The following STT3B variants were observed in gnomAD, a reference collection of about 807,000 sequenced individuals.
STT3B encodes the protein STT3 oligosaccharyltransferase complex catalytic subunit B.
A neutral mutation model predicts 96.8 loss-of-function variants in STT3B; 29 were observed. That is an observed-to-expected ratio of 0.30 (90% CI 0.22 to 0.41). STT3B has a LOEUF of 0.41. STT3B is among the 10% of genes least tolerant of loss of function. The pLI, the probability that STT3B is intolerant of heterozygous loss-of-function variation, is 1.00. For synonymous variants in STT3B, 367 were observed against 360.0 expected, an observed-to-expected ratio of 1.02 and a Z score of -0.22; for missense variants, 640 against 1,022.3, an observed-to-expected ratio of 0.63 and a Z score of 5.10.
In STT3B at chr3:31,533,250, C is replaced by T; in HGVS notation, c.252C>T (p.Gly84=). 1 of 1,512,466 alleles carries T rather than the reference C, an allele frequency of 6.6e-7. No homozygotes were observed. Among genetic ancestry groups the T allele is most frequent in the Non-Finnish European group, 8.8e-7 (1 of 1,130,130 alleles). 93.7% of individuals were successfully genotyped at this position (1,512,466 alleles called of 1,614,324 possible). Residue 84 remains glycine, a synonymous_variant, in exon 1 of 16, where the codon GGC becomes GGT. Transcript: ENST00000295770. ...TCCTCTTCCTGGCCTGGCTTGCCGG[C>T]TTCAGCTCGCGCCTCTTCGCCGTCA... is the stretch of plus-strand genomic sequence containing the variant. ...FTILFLAWLA[G]FSSRLFAVIR... is the part of the protein sequence containing the mutation.
intron 1 of STT3B, among the ~76,000 whole-genome samples, chr3:31,547,503 G>C (rs543654933): frequency 6.6e-6 from 1 of 151,974 alleles, no homozygotes; most frequent in African/African-American, 2.4e-5. Flanking sequence ...AAAATCAGCC[G>C]GGCATGGTGG....
chr3:31,593,672 T>C (rs899143340), intron 3 of STT3B, among the ~76,000 whole-genome samples: 2 of 152,192 alleles, frequency 1.3e-5, no homozygotes, highest in African/African-American at 2.4e-5. Context: ...TTAGTGAATT[T>C]TTTATTCCAT....
Position 31,615,319 on chromosome 3 carries a change from T to C in STT3B, c.976+116T>C, listed in dbSNP as rs572442139. On this transcript the variant is annotated intron_variant, in intron 6 of 15. Coordinates refer to ENST00000295770, the MANE Select transcript of STT3B (RefSeq NM_178862.3). The stretch of plus-strand genomic sequence containing the variant: ...GTTGTTGCAATGACAACCAAAGTAA[T>C]CTGACTCACAATTATGGGAAATCTG... 3.1e-4 allele frequency: 218 copies of C among 698,800 alleles called. 2 individuals carry two copies. The East Asian group carries it at 6.1e-3, about 20-fold the overall frequency. 43.3% of individuals were successfully genotyped at this position (698,800 alleles called of 1,614,324 possible). A position where few individuals can be genotyped will look rare whatever the true frequency, so the allele number is the denominator to read the frequency against.
chr3:31,619,927 A>C (rs765811566), intron 9 of STT3B, 97 bp downstream of exon 9: 14 of 1,514,950 alleles, frequency 9.2e-6, no homozygotes, highest in African/African-American at 2.8e-5. Flanking sequence ...GTTTGACTCT[A>C]TATATTCAAG....
intron 1 of STT3B, among the ~76,000 whole-genome samples, chr3:31,554,090 G>C (rs1479949068): frequency 6.6e-6 from 1 of 151,994 alleles, no homozygotes; most frequent in Admixed American, 6.5e-5. Flanking sequence ...TTTAAGTGTT[G>C]GTAGAGTAGT....
intron 3 of STT3B, among the ~76,000 whole-genome samples, chr3:31,584,024 G>C (rs1012371959): frequency 1.3e-5 from 2 of 152,122 alleles, no homozygotes; most frequent in African/African-American, 2.4e-5. Flanking sequence ...TTACACCTCT[G>C]TTTCCTTCTA....
At chr3:31,635,167 GA>G (rs1653986534) in intron 15 of STT3B, among the ~76,000 whole-genome samples, 1 of 152,166 alleles carries the variant, frequency 6.6e-6, no homozygotes, top group African/African-American at 2.4e-5. Context: ...TGTTAACCCA[GA>G]GCTTTGATGG....
At chr3:31,634,821 A>G (rs1411302526) in intron 15 of STT3B, among the ~76,000 whole-genome samples, 2 of 152,162 alleles carry the variant, frequency 1.3e-5, no homozygotes, top group Non-Finnish European at 2.9e-5. Flanking sequence ...TAGAATCTGG[A>G]TGTAATTATA....
intron 1 of STT3B, among the ~76,000 whole-genome samples, chr3:31,542,435 C>G (rs1044274799): frequency 4.0e-5 from 6 of 151,820 alleles, no homozygotes; most frequent in Non-Finnish European, 8.8e-5. Context: ...GTAGATGTAG[C>G]AATTTTGCAT....
At chr3:31,624,207 C>A (rs896209843) in intron 11 of STT3B, among the ~76,000 whole-genome samples, 21 of 151,974 alleles carry the variant, frequency 1.4e-4, no homozygotes, top group African/African-American at 4.6e-4. Flanking sequence ...GTGTTCGTAC[C>A]CGTTAACCAT....
chr3:31,624,700 T>G (rs1699498506), intron 11 of STT3B, among the ~76,000 whole-genome samples: 1 of 150,872 alleles, frequency 6.6e-6, no homozygotes. Context: ...ATACAAGATA[T>G]GCAGGTGGTT....
chr3:31,622,015 G>T, intron 9 of STT3B, 82 bp from the exon 10 acceptor site: 1 of 561,290 alleles, frequency 1.8e-6, no homozygotes, highest in Non-Finnish European at 2.9e-6. Flanking sequence ...ATTCCAGGTT[G>T]GTTTTATAGT....
intron 9 of STT3B, 158 bp downstream of exon 9, chr3:31,619,988 T>G (rs1699390227): frequency 6.7e-7 from 1 of 1,493,420 alleles, no homozygotes; most frequent in Non-Finnish European, 8.9e-7. Context: ...AAAAATTCAC[T>G]GAGAGGCTGG....
rs1474954471 is a variant in STT3B at position 31,622,315 on chromosome 3, A to T, written c.1539+7A>T. Reference sequence around the variant, plus strand: ...AGGAAATTTGTATGATAAGGTGGGGAATCTAAAGTAAGGCCTTTAAATTGT... The same window carrying T: ...AGGAAATTTGTATGATAAGGTGGGGTATCTAAAGTAAGGCCTTTAAATTGT... On this transcript the variant is annotated splice_region_variant and intron_variant, in intron 10 of 15. Transcript: ENST00000295770. 3 of 1,611,360 alleles carry T rather than the reference A, an allele frequency of 1.9e-6. No individual in the cohort carries two copies. The South Asian group carries it at 3.3e-5, about 18-fold the overall frequency.
chr3:31,590,769 A>G (rs1381174331), intron 3 of STT3B, among the ~76,000 whole-genome samples: 1 of 152,092 alleles, frequency 6.6e-6, no homozygotes, highest in African/African-American at 2.4e-5. Flanking sequence ...CTGGCCATTC[A>G]TAAACATATA....
chr3:31,599,346 A>G (rs536208978), intron 4 of STT3B, among the ~76,000 whole-genome samples: 5 of 152,296 alleles, frequency 3.3e-5, no homozygotes, highest in Non-Finnish European at 4.4e-5. Context: ...GTACTTAGCA[A>G]TATCAAACTT....
rs569896129 is a variant in STT3B, at chr3:31,568,465, C to T, written c.315-7931C>T. 6.6e-4 allele frequency among the ~76,000 whole-genome samples: 100 copies of T among 152,298 alleles called. 1 individual carries two copies. In the Middle Eastern group the frequency reaches 0.01, roughly 16 times the overall value. ...TCTTCGTAGTGGCTGTGCTAATTTA[C>T]ATTTCCACCAACAGTATAGGACTGT... On this transcript the variant is annotated intron_variant, in intron 1 of 15. Transcript: ENST00000295770.
In STT3B at chr3:31,579,694, A is replaced by G. The variant is rs558727218; in HGVS notation, c.424-115A>G. 258 of 800,062 alleles carry G rather than the reference A, an allele frequency of 3.2e-4. 3 individuals are homozygous for G. The East Asian group carries it at 7.1e-3, about 22-fold the overall frequency. 49.6% of individuals were successfully genotyped at this position (800,062 alleles called of 1,614,324 possible). On this transcript the variant is annotated intron_variant, in intron 2 of 15. Transcript: ENST00000295770. Reference sequence around the variant, plus strand: ...TATAAAGAAGGCAAATTGTTTTGAGATGTTGCTTTCAAACTTATGTAAGGT... The same window carrying G: ...TATAAAGAAGGCAAATTGTTTTGAGGTGTTGCTTTCAAACTTATGTAAGGT...
At chr3:31,564,767 G>T (rs947467704) in intron 1 of STT3B, among the ~76,000 whole-genome samples, 2 of 152,134 alleles carry the variant, frequency 1.3e-5, no homozygotes, top group Non-Finnish European at 2.9e-5. Context: ...ATAAAGGAAG[G>T]ATTGCCAATA....
Sources: gnomAD v4.1 joint callset for allele counts (sites outside exome capture counted in the v4.1 genomes callset) on GRCh38, gnomAD v4.1.1 for gene constraint, MANE v1.5 for transcripts, NCBI Gene and HGNC (gene_info 2026-07-23, HGNC 2026-07-21) for gene names.